The following IGFN1 variants were observed in gnomAD, a reference collection of about 807,000 sequenced individuals.
IGFN1 encodes the protein immunoglobulin like and fibronectin type III domain containing 1.
Under a neutral mutation model 289.5 loss-of-function variants are expected in IGFN1, and 253 were observed. That is an observed-to-expected ratio of 0.87 (90% CI 0.79 to 0.97). The LOEUF (loss-of-function observed/expected upper bound fraction) is 0.97, where lower values mean the gene tolerates loss of function less well. Ranked by LOEUF, IGFN1 falls within the 50% of genes least tolerant of loss-of-function variation. The pLI is 0.00. For synonymous variants in IGFN1, 1,706 were observed against 1,788.5 expected (o/e 0.95, Z 1.16); for missense variants, 4,470 against 4,686.1 (o/e 0.95, Z 1.35).
intron 18 of IGFN1, among the ~76,000 whole-genome samples, chr1:201,220,599 G>A (rs1198653723): frequency 6.6e-6 from 1 of 152,212 alleles, no homozygotes; most frequent in Non-Finnish European, 1.5e-5. Flanking sequence ...AAGGCCCATG[G>A]CCCAGAAACA....
Position 201,224,713 on chromosome 1 carries a change from A to G in IGFN1, c.10325A>G (p.Asp3442Gly). The change falls in exon 21 of 24, where the codon GAT becomes GGT. Residue 3442 changes from aspartate (D) to glycine (G), a missense_variant. By Grantham distance (94) the Asp-to-Gly change is moderately conservative. Coordinates refer to ENST00000335211, the MANE Select transcript of IGFN1 (RefSeq NM_001164586.2). The part of the protein sequence containing the change: ...MPMPEVTWLK[D>G]GLPLPKRSVT... ...ATGCCTGAGGTGACCTGGCTGAAGG[A>G]TGGCTTGCCCTTGCCCAAAAGAAGT... 1 of 1,614,150 alleles carries G rather than the reference A, an allele frequency of 6.2e-7. No individual in the cohort carries two copies. Among genetic ancestry groups the G allele is most frequent in the Non-Finnish European group, 8.5e-7 (1 of 1,180,012 alleles).
chr1:201,204,489 A>G (rs1467608316), intron 10 of IGFN1, among the ~76,000 whole-genome samples: 1 of 152,200 alleles, frequency 6.6e-6, no homozygotes, highest in African/African-American at 2.4e-5. Flanking sequence ...AGCTTTGGAC[A>G]GACATGTCGT....
rs962938544 is a variant in IGFN1 at position 201,221,644 on chromosome 1, C to T, written c.10099C>T (p.Arg3367Trp). ...PVTTYTAKGLRPGEGYFVRVT... is the reference protein window; with the variant it reads ...PVTTYTAKGLWPGEGYFVRVT... ...CACCACCTACACGGCCAAGGGGCTT[C>T]GGCCTGGAGAGGGCTACTTCGTGCG... Residue 3367 changes from arginine to tryptophan, a missense_variant, in exon 19 of 24, where the codon CGG becomes TGG. Physicochemically the swap from Arg to Trp is moderately radical, Grantham distance 101. This residue lies in a region of IGFN1 where 2,218 missense variants were observed against 2,114.1 expected (regional missense o/e 1.05). Coordinates refer to ENST00000335211, the MANE Select transcript of IGFN1 (RefSeq NM_001164586.2). The T allele has an allele frequency of 1.1e-5, 18 of 1,614,092 alleles. No homozygotes were observed. The highest frequency in any genetic ancestry group is 1.6e-4 in the Middle Eastern group (1 of 6,084).
intron 23 of IGFN1, among the ~76,000 whole-genome samples, chr1:201,227,450 G>A (rs1274352352): frequency 6.7e-6 from 1 of 150,196 alleles, no homozygotes; most frequent in South Asian, 2.1e-4. Flanking sequence ...TTTTTGAGAC[G>A]GAGTTTCGCT....
intron 5 of IGFN1, 29 bp from the exon 6 acceptor site, chr1:201,199,305 C>T: frequency 6.5e-7 from 1 of 1,549,568 alleles, no homozygotes. Context: ...TCCACATCGA[C>T]TCCTTCCTCT....
chr1:201,200,149 C>A (rs767526811), intron 7 of IGFN1, 88 bp from the exon 8 acceptor site: 34 of 1,112,302 alleles, frequency 3.1e-5, no homozygotes, highest in Non-Finnish European at 4.4e-5. Flanking sequence ...AGAGCAGCTT[C>A]CCAGAACTAC....
At chr1:201,216,352 G>T in intron 15 of IGFN1, 102 bp from the exon 16 acceptor site, 1 of 920,514 alleles carries the variant, frequency 1.1e-6, no homozygotes. Context: ...AGTGGATGGG[G>T]GTGGGGGGGA....
In IGFN1 at chr1:201,202,484, T is replaced by C. The variant is rs556449402; in HGVS notation, c.747+652T>C. ...CCTTGTCCCTCAGTTCCTGGCCCAC[T>C]GGCCTTGTCCCTGTTCCTTTGCCCA... On this transcript the variant is annotated intron_variant, in intron 9 of 23. Transcript: ENST00000335211. Among the ~76,000 whole-genome samples the C allele has an allele frequency of 2.2e-3, 328 of 152,160 alleles. 1 individual carries two copies. The highest frequency in any genetic ancestry group is 2.6e-3 in the Non-Finnish European group (175 of 67,994).
intron 5 of IGFN1, 145 bp from the exon 6 acceptor site, chr1:201,199,189 T>C (rs1256606291): frequency 2.8e-6 from 2 of 720,074 alleles, no homozygotes; most frequent in African/African-American, 3.5e-5. Context: ...CCATCCCTCT[T>C]GCTGGGATCG....
intron 12 of IGFN1, among the ~76,000 whole-genome samples, chr1:201,213,925 C>CG (rs934852884): frequency 2.2e-4 from 34 of 152,122 alleles, no homozygotes; most frequent in African/African-American, 2.9e-4. Flanking sequence ...TCACCTGTGG[C>CG]GGGGGGGCCC....
chr1:201,203,964 A>C (rs770272256), intron 10 of IGFN1, 58 bp downstream of exon 10: 30 of 1,450,408 alleles, frequency 2.1e-5, no homozygotes, highest in Non-Finnish European at 2.8e-5. Flanking sequence ...AATGGAGTCC[A>C]TGTTGGTGCA....
rs148754766 is a variant in IGFN1, at chr1:201,219,643, C to T, written c.9898+985C>T. Among the ~76,000 whole-genome samples the T allele has an allele frequency of 1.5e-4, 23 of 152,378 alleles. No individual in the cohort carries two copies. The East Asian group carries it at 3.1e-3, about 20-fold the overall frequency. ...ACGCCAAGTCCTCTAGGGAGCAGCA[C>T]ATTTCTGGCACTTGACGGATGGGCC... On this transcript the variant is annotated intron_variant, in intron 18 of 23. Transcript: ENST00000335211.
Position 201,201,775 on chromosome 1 carries a change from A to G in IGFN1, c.690A>G (p.Ala230=). 1 of 1,551,220 alleles carries G rather than the reference A, an allele frequency of 6.4e-7. No individual in the cohort carries two copies. Among genetic ancestry groups the G allele is most frequent in the Non-Finnish European group, 8.7e-7 (1 of 1,146,292 alleles). ...RHIRVTKDGN[A]KFDLELDLKD... ...TCAGGGTCACCAAGGATGGGAATGC[A>G]AAGTTTGACTTGGAGCTGGATCTCA... is the stretch of plus-strand genomic sequence containing the variant. Residue 230 remains alanine (A), a synonymous_variant, in exon 9 of 24, where the codon GCA becomes GCG. Coordinates refer to ENST00000335211, the MANE Select transcript of IGFN1 (RefSeq NM_001164586.2).
chr1:201,222,254 A>C (rs1406381857), intron 19 of IGFN1: 1 of 158,054 alleles, frequency 6.3e-6, no homozygotes, highest in African/African-American at 2.4e-5. Flanking sequence ...TCTGCCTTTG[A>C]CCCAAGCTGA....
chr1:201,197,093 CTG>C (rs1178996045), intron 4 of IGFN1, 123 bp from the exon 5 acceptor site: 2 of 595,524 alleles, frequency 3.4e-6, no homozygotes, highest in African/African-American at 1.8e-5. Context: ...CTGATAAAGA[CTG>C]TGAGCTCCAT....
chr1:201,215,112 G>A lies in IGFN1; in HGVS notation c.8953G>A (p.Val2985Ile), dbSNP rs1216954210. ...QGTQAGRYTF[V>I]AGDQQSEATL... Reference sequence around the variant, plus strand: ...GACCCAAGCTGGGAGGTACACCTTTGTAGCTGGTGACCAGCAGAGCGAGGC... The same window carrying A: ...GACCCAAGCTGGGAGGTACACCTTTATAGCTGGTGACCAGCAGAGCGAGGC... The change falls in exon 14 of 24, where the codon GTA (valine) becomes ATA (isoleucine). Residue 2985 changes from valine (V) to isoleucine (I), a missense_variant. Physicochemically the swap from Val to Ile is conservative, Grantham distance 29 (BLOSUM62 3). Coordinates refer to ENST00000335211, the MANE Select transcript of IGFN1 (RefSeq NM_001164586.2). 4.3e-6 allele frequency: 7 copies of A among 1,613,856 alleles called. No individual in the cohort carries two copies. Among genetic ancestry groups the A allele is most frequent in the Non-Finnish European group, 5.9e-6 (7 of 1,180,032 alleles).
chr1:201,225,627 A>G (rs1654028052), intron 21 of IGFN1, among the ~76,000 whole-genome samples, 197 bp from the exon 22 acceptor site: 1 of 152,244 alleles, frequency 6.6e-6, no homozygotes, highest in Non-Finnish European at 1.5e-5. Context: ...GAAGTGAATT[A>G]AAATTACTCT....
rs759947908 is a variant in IGFN1, at chr1:201,221,442, A to T, written c.9899-2A>T. ...TCCTGACTCTCCCATGGTGCCTGGC[A>T]GGACCCCCTGGGCTGGTGAGGAATC... On this transcript the variant is annotated splice_acceptor_variant, in intron 18 of 23. Transcript: ENST00000335211. LOFTEE classifies it high-confidence loss of function. 8 of 1,564,558 alleles carry T rather than the reference A, an allele frequency of 5.1e-6. No homozygotes were observed. Among genetic ancestry groups the T allele is most frequent in the Non-Finnish European group, 6.9e-6 (8 of 1,152,318 alleles).
chr1:201,198,669 C>T (rs1268541143), intron 5 of IGFN1, among the ~76,000 whole-genome samples: 6 of 152,208 alleles, frequency 3.9e-5, no homozygotes, highest in Admixed American at 3.3e-4. Context: ...TCAAGCTATC[C>T]TCCCCCCTCG....
Sources: allele counts gnomAD v4.1 joint callset (sites outside exome capture counted in the v4.1 genomes callset), GRCh38; gene constraint gnomAD v4.1.1; regional missense constraint gnomAD v4.1.1; transcripts MANE v1.5; gene names NCBI Gene and HGNC (gene_info 2026-07-23, HGNC 2026-07-21).